Variants in LIX1 observed in about 807,000 individuals in gnomAD.
The protein encoded by LIX1 is limb and CNS expressed 1.
LIX1 carries 24 observed loss-of-function variants against 33.4 expected under a neutral mutation model. The ratio of observed to expected loss-of-function variants is 0.72; its 90% CI spans 0.52 to 1.01. The LOEUF (loss-of-function observed/expected upper bound fraction) is 1.01. Among genes scored for constraint, LIX1 ranks in the 50% least tolerant of loss-of-function variants. LIX1 has a pLI of 0.00. For synonymous variants in LIX1, 124 were observed against 124.0 expected, an observed-to-expected ratio of 1.00 and a Z score of 0.00; for missense variants, 311 against 339.2, an observed-to-expected ratio of 0.92 and a Z score of 0.65.
intron 2 of LIX1, among the ~76,000 whole-genome samples, chr5:97,112,934 A>G (rs1434851729): frequency 6.6e-6 from 1 of 152,108 alleles, no homozygotes; most frequent in East Asian, 1.9e-4. Context: ...CCTCCCCTGC[A>G]CTGCACCAGA....
At chr5:97,111,772 T>C (rs531350081) in intron 2 of LIX1, among the ~76,000 whole-genome samples, 1 of 152,256 alleles carries the variant, frequency 6.6e-6, no homozygotes, top group South Asian at 2.1e-4. Flanking sequence ...AGTTAAGTAC[T>C]AGATCAAAAG....
intron 1 of LIX1, among the ~76,000 whole-genome samples, chr5:97,132,677 C>T (rs1748081770): frequency 1.3e-5 from 2 of 152,156 alleles, no homozygotes; most frequent in East Asian, 1.9e-4. Flanking sequence ...GGAACAGAGT[C>T]CCTTGTCCTT....
At chr5:97,134,549 A>T (rs900845571) in intron 1 of LIX1, among the ~76,000 whole-genome samples, 10 of 152,270 alleles carry the variant, frequency 6.6e-5, no homozygotes, top group African/African-American at 2.4e-4. Context: ...GTATTTTAGC[A>T]ATTCAATCAT....
chr5:97,129,062 CTT>C (rs1273063227), intron 1 of LIX1, among the ~76,000 whole-genome samples: 1 of 152,198 alleles, frequency 6.6e-6, no homozygotes, highest in Non-Finnish European at 1.5e-5. Context: ...ACTATTCTCT[CTT>C]GTCCTAACCT....
chr5:97,139,271 A>G (rs1748235472), intron 1 of LIX1, among the ~76,000 whole-genome samples: 1 of 152,248 alleles, frequency 6.6e-6, no homozygotes, highest in Admixed American at 6.5e-5. Flanking sequence ...TGCCTATCAC[A>G]TGATGAGGAC....
intron 1 of LIX1, among the ~76,000 whole-genome samples, chr5:97,133,962 A>C (rs752248714): frequency 5.3e-5 from 8 of 152,248 alleles, no homozygotes; most frequent in Non-Finnish European, 1.0e-4. Context: ...GATCTTAAAA[A>C]TCCATTATAA....
In LIX1 at chr5:97,105,235, G is replaced by C. The variant is rs372586576; in HGVS notation, c.438C>G (p.His146Gln). ...DDPSTSVGAYHYMLESNMGKT... is the reference protein window; with the variant it reads ...DDPSTSVGAYQYMLESNMGKT... ...TCCCCATGTTTGACTCCAGCATGTA[G>C]TGATAGGCCCCAACACTGGTGCTGG... Residue 146 changes from histidine to glutamine, a missense_variant, in exon 4 of 6, where the codon CAC becomes CAG. By Grantham distance (24) the His-to-Gln change is conservative. Coordinates refer to ENST00000274382, the MANE Select transcript of LIX1 (RefSeq NM_153234.5). 1 of 1,614,136 alleles carries C rather than the reference G, an allele frequency of 6.2e-7. No individual in the cohort carries two copies. Among genetic ancestry groups the C allele is most frequent in the Non-Finnish European group, 8.5e-7 (1 of 1,179,994 alleles).
At position 97,142,515 on chromosome 5, in the gene LIX1, G is replaced by A. The variant is rs147763437; in HGVS notation, c.62C>T (p.Pro21Leu). Reference sequence around the variant, plus strand: ...CTTACAGTCTTTGAAGACTAGAGCCGGATCTCTGTGAGGCAAGACTTGGGC... The same window carrying A: ...CTTACAGTCTTTGAAGACTAGAGCCAGATCTCTGTGAGGCAAGACTTGGGC... ...IIAQVLPHRDPALVFKDLNVV... is the reference protein window; with the variant it reads ...IIAQVLPHRDLALVFKDLNVV... Residue 21 changes from proline to leucine, a missense_variant, in exon 1 of 6, where the codon CCG becomes CTG. Pro to Leu is a moderately conservative substitution (Grantham distance 98, BLOSUM62 -3). Coordinates refer to ENST00000274382, the MANE Select transcript of LIX1 (RefSeq NM_153234.5). 6.4e-3 allele frequency: 10,370 copies of A among 1,613,848 alleles called. 62 individuals carry two copies. Among genetic ancestry groups the A allele is most frequent in the Non-Finnish European group, 7.0e-3 (8,274 of 1,179,744 alleles).
chr5:97,108,513 G>A (rs1474843407), intron 2 of LIX1, among the ~76,000 whole-genome samples: 2 of 152,126 alleles, frequency 1.3e-5, no homozygotes, highest in East Asian at 1.9e-4. Context: ...GTTTGGCATC[G>A]TTCCTGGGGT....
At chr5:97,126,662 CAG>C (rs1339631462) in intron 1 of LIX1, among the ~76,000 whole-genome samples, 2 of 114,478 alleles carry the variant, frequency 1.7e-5, no homozygotes, top group Non-Finnish European at 3.3e-5. Flanking sequence ...TTTTTTGAGA[CAG>C]AGTCTTGCTC....
intron 4 of LIX1, among the ~76,000 whole-genome samples, chr5:97,097,415 TAC>T: frequency 6.6e-6 from 1 of 152,270 alleles, no homozygotes; most frequent in Admixed American, 6.5e-5. Context: ...TAAAACAAGG[TAC>T]ACAACAGTGT....
At position 97,112,592 on chromosome 5, in the gene LIX1, C is replaced by T. The variant is rs77346893; in HGVS notation, c.247-5092G>A. 9.3e-3 allele frequency among the ~76,000 whole-genome samples: 1,421 copies of T among 152,156 alleles called. 28 individuals are homozygous for T. Among genetic ancestry groups the T allele is most frequent in the African/African-American group, 0.033 (1,357 of 41,516 alleles). ...GACAACTTCTGTCCTTTGCACTTTG[C>T]GAAAGTGCAGAGCTGGGATATTTAA... On this transcript the variant is annotated intron_variant, in intron 2 of 5. Transcript: ENST00000274382.
intron 4 of LIX1, among the ~76,000 whole-genome samples, chr5:97,103,486 G>A (rs1246682648): frequency 6.6e-6 from 1 of 152,146 alleles, no homozygotes; most frequent in Admixed American, 6.5e-5. Context: ...ACATACAAAC[G>A]AGGAAGTAGA....
chr5:97,139,881 A>G (rs1163109087), intron 1 of LIX1, among the ~76,000 whole-genome samples: 1 of 152,270 alleles, frequency 6.6e-6, no homozygotes, highest in Non-Finnish European at 1.5e-5. Flanking sequence ...AACGCCTTGT[A>G]TAAAATAAAA....
chr5:97,133,051 A>C (rs1313085678), intron 1 of LIX1, among the ~76,000 whole-genome samples: 1 of 152,250 alleles, frequency 6.6e-6, no homozygotes, highest in Non-Finnish European at 1.5e-5. Context: ...GAGGATGCCA[A>C]TAAGCATATA....
Position 97,124,470 on chromosome 5 carries a change from A to G in LIX1, c.242T>C (p.Phe81Ser). The change falls in exon 2 of 6, where the codon TTT (phenylalanine) becomes TCT (serine). Residue 81 changes from phenylalanine (F) to serine (S), a missense_variant. Physicochemically the swap from Phe to Ser is radical, Grantham distance 155. Transcript: ENST00000274382. ...TLPGGSCFGNFQCCLSRAEAR... is the reference protein window; with the variant it reads ...TLPGGSCFGNSQCCLSRAEAR... ...AAATTAATGGCTACTTCTTACCTGA[A>G]AGTTGCCAAAACAGCTTCCCCCTGG... 2 of 1,597,702 alleles carry G rather than the reference A, an allele frequency of 1.3e-6. No individual in the cohort carries two copies. The highest frequency in any genetic ancestry group is 1.7e-6 in the Non-Finnish European group (2 of 1,171,068).
chr5:97,136,961 A>G (rs1254757454), intron 1 of LIX1: 2 of 220,392 alleles, frequency 9.1e-6, no homozygotes, highest in East Asian at 2.6e-4. Context: ...TTGGGGTTAA[A>G]ACATCAATAT....
chr5:97,107,308 G>A (rs1747101402), intron 3 of LIX1, 52 bp downstream of exon 3: 1 of 1,538,148 alleles, frequency 6.5e-7, no homozygotes, highest in Admixed American at 1.9e-5. Flanking sequence ...AGATTCAAAT[G>A]CTTCAGAATT....
At chr5:97,134,489 CTTTAA>C (rs1383467976) in intron 1 of LIX1, among the ~76,000 whole-genome samples, 1 of 152,124 alleles carries the variant, frequency 6.6e-6, no homozygotes, top group Non-Finnish European at 1.5e-5. Context: ...TTAATATAAC[CTTTAA>C]TTAAATTATC....
Sources: gnomAD v4.1 joint callset for allele counts (sites outside exome capture counted in the v4.1 genomes callset) on GRCh38, gnomAD v4.1.1 for gene constraint, MANE v1.5 for transcripts, NCBI Gene and HGNC (gene_info 2026-07-23, HGNC 2026-07-21) for gene names.